RAI14: variants seen among roughly 807,000 people sequenced by gnomAD.
The protein encoded by RAI14 is ankycorbin.
A neutral mutation model predicts 115.4 loss-of-function variants in RAI14; 45 were observed. The observed-to-expected ratio is 0.39, with a 90% CI of 0.31 to 0.50. The LOEUF (loss-of-function observed/expected upper bound fraction) is 0.50. RAI14 is among the 20% of genes least tolerant of loss of function. The probability of loss-of-function intolerance (pLI) is 0.85; values close to 1 mark genes in which losing one functional copy is unlikely to be tolerated. For synonymous variants in RAI14, 371 were observed against 415.4 expected (o/e 0.89, Z 1.30); for missense variants, 939 against 1,131.2 (o/e 0.83, Z 2.44).
At chr5:34,825,227 T>C (rs1003137147) in intron 15 of RAI14, among the ~76,000 whole-genome samples, 2 of 151,700 alleles carry the variant, frequency 1.3e-5, no homozygotes, top group Admixed American at 6.6e-5. Flanking sequence ...ATGAGCCATA[T>C]CAACACCACT....
chr5:34,681,271 C>A (rs904981789), intron 1 of RAI14, among the ~76,000 whole-genome samples: 1 of 152,168 alleles, frequency 6.6e-6, no homozygotes, highest in Non-Finnish European at 1.5e-5. Context: ...TGAAGAAATA[C>A]TCAAGCACTT....
rs980806048 is a variant in RAI14 at position 34,687,111 on chromosome 5, G to A, written c.36+156G>A. Among the ~76,000 whole-genome samples the A allele has an allele frequency of 2.6e-5, 4 of 152,268 alleles. No individual in the cohort carries two copies. In the East Asian group the frequency reaches 5.8e-4, roughly 22 times the overall value. ...TCAGGGTAGCTTCTGTAGATGGCAT[G>A]CTCTAGGTTCCTTGCTGTTTGTGTG... On this transcript the variant is annotated intron_variant, in intron 2 of 17. Coordinates refer to ENST00000265109, the MANE Select transcript of RAI14 (RefSeq NM_015577.3).
chr5:34,669,104 C>T (rs1743439197), intron 1 of RAI14, among the ~76,000 whole-genome samples: 2 of 152,190 alleles, frequency 1.3e-5, no homozygotes, highest in African/African-American at 4.8e-5. Context: ...ATCCTCCCGC[C>T]TTGGCCTCCC....
At chr5:34,715,474 G>T (rs2149977712) in intron 2 of RAI14, among the ~76,000 whole-genome samples, 1 of 152,188 alleles carries the variant, frequency 6.6e-6, no homozygotes, top group African/African-American at 2.4e-5. Flanking sequence ...TACTAGTCAT[G>T]TGAAACTCCT....
chr5:34,679,369 G>T (rs1456169756), intron 1 of RAI14, among the ~76,000 whole-genome samples: 1 of 152,210 alleles, frequency 6.6e-6, no homozygotes, highest in African/African-American at 2.4e-5. Flanking sequence ...GTTTCACTAA[G>T]TGTTGACTAT....
chr5:34,670,740 A>G (rs1021393256), intron 1 of RAI14, among the ~76,000 whole-genome samples: 4 of 152,124 alleles, frequency 2.6e-5, no homozygotes, highest in Non-Finnish European at 4.4e-5. Flanking sequence ...TTATTATGTC[A>G]TTGTGTAATG....
chr5:34,823,406 T>A lies in RAI14; in HGVS notation c.1564T>A (p.Phe522Ile). 6.2e-7 allele frequency: 1 copy of A among 1,614,102 alleles called. No individual in the cohort carries two copies. ...SPESMDNYSH[F>I]HELRVTEEEI... ...TGAAAGCATGGATAATTATTCACAT[T>A]TCCACGAGCTGAGGGTCACGGAAGA... The change falls in exon 15 of 18, where the codon TTC (phenylalanine) becomes ATC (isoleucine). Residue 522 changes from phenylalanine (F) to isoleucine (I), a missense_variant. Phe to Ile is a conservative substitution (Grantham distance 21, BLOSUM62 0). Coordinates refer to ENST00000265109, the MANE Select transcript of RAI14 (RefSeq NM_015577.3). The surrounding 1 kb of genome is among the most constrained non-coding windows in gnomAD (Gnocchi z 4.5).
chr5:34,808,604 G>A lies in RAI14; in HGVS notation c.400G>A (p.Ala134Thr), dbSNP rs1398774676. 3 of 1,614,202 alleles carry A rather than the reference G, an allele frequency of 1.9e-6. No individual in the cohort carries two copies. The highest frequency in any genetic ancestry group is 1.7e-5 in the Admixed American group (1 of 60,026). The change falls in exon 7 of 18, where the codon GCT (alanine) becomes ACT (threonine). Residue 134 changes from alanine to threonine, a missense_variant. Coordinates refer to ENST00000265109, the MANE Select transcript of RAI14 (RefSeq NM_015577.3). Reference sequence around the variant, plus strand: ...CCCAGCGGCTCAGGGCTGCCTTCAAGCTGTGCAGATTCTCTGCGAACACAA... The same window carrying A: ...CCCAGCGGCTCAGGGCTGCCTTCAAACTGTGCAGATTCTCTGCGAACACAA... ...HYAAAQGCLQ[A>T]VQILCEHKSP...
Position 34,757,560 on chromosome 5 carries a change from G to A in RAI14, c.129G>A (p.Gly43=), listed in dbSNP as rs370049571. 5.0e-6 allele frequency: 8 copies of A among 1,613,750 alleles called. No homozygotes were observed. The highest frequency in any genetic ancestry group is 2.2e-5 in the South Asian group (2 of 91,034). ...TGGCCTCACTGCTCGGCAAGAAGGG[G>A]GCCAGTGCCACCAAACACGACAGTG... ...EKVASLLGKK[G]ASATKHDSEG... The change falls in exon 3 of 18, where the codon GGG becomes GGA. Residue 43 remains glycine (G), a synonymous_variant. Coordinates refer to ENST00000265109, the MANE Select transcript of RAI14 (RefSeq NM_015577.3).
At chr5:34,709,449 A>G (rs111892677) in intron 2 of RAI14, among the ~76,000 whole-genome samples, 5 of 152,210 alleles carry the variant, frequency 3.3e-5, no homozygotes, top group African/African-American at 1.2e-4. Flanking sequence ...CTGGTCTCCA[A>G]TTAAAAAAAA....
intron 4 of RAI14, among the ~76,000 whole-genome samples, chr5:34,800,241 A>G (rs1368928117): frequency 6.6e-6 from 1 of 152,204 alleles, no homozygotes; most frequent in Non-Finnish European, 1.5e-5. Context: ...CTGTGGCCAG[A>G]GCAGTTGGGC....
chr5:34,765,892 C>A (rs2150117380), intron 3 of RAI14, among the ~76,000 whole-genome samples: 1 of 152,304 alleles, frequency 6.6e-6, no homozygotes, highest in East Asian at 1.9e-4. Flanking sequence ...CTGTGTGCAC[C>A]CTAAGGACTT....
chr5:34,781,130 C>T (rs983054473), intron 3 of RAI14, among the ~76,000 whole-genome samples: 1 of 149,986 alleles, frequency 6.7e-6, no homozygotes, highest in Non-Finnish European at 1.5e-5. Context: ...ACAAAAAAAA[C>T]CAAGCACCGC....
intron 2 of RAI14, among the ~76,000 whole-genome samples, chr5:34,724,470 G>A (rs11956658): frequency 0.012 from 1,872 of 152,258 alleles, 35 homozygotes; most frequent in African/African-American, 0.043. Context: ...CAAATCATAT[G>A]TGGGCTATCA....
At chr5:34,660,373 A>G (rs545266938) in intron 1 of RAI14, among the ~76,000 whole-genome samples, 6 of 152,252 alleles carry the variant, frequency 3.9e-5, no homozygotes, top group East Asian at 1.9e-4. Context: ...TGGAGGTTGC[A>G]GTGAGCCGAG....
At chr5:34,675,525 G>A (rs538810839) in intron 1 of RAI14, among the ~76,000 whole-genome samples, 166 of 152,314 alleles carry the variant, frequency 1.1e-3, no homozygotes, top group African/African-American at 3.7e-3. Flanking sequence ...GGCACAGGCC[G>A]GAGGAACGTT....
intron 2 of RAI14, among the ~76,000 whole-genome samples, chr5:34,701,453 G>A (rs944683297): frequency 6.6e-6 from 1 of 152,160 alleles, no homozygotes; most frequent in Non-Finnish European, 1.5e-5. Context: ...TCTAAGGACA[G>A]CCACTGTAAG....
intron 3 of RAI14, among the ~76,000 whole-genome samples, chr5:34,763,552 A>G (rs1265446821): frequency 6.6e-6 from 1 of 152,256 alleles, no homozygotes; most frequent in Admixed American, 6.5e-5. Flanking sequence ...AGACTTTTTC[A>G]TAAGTAAATA....
At chr5:34,822,250 G>GTATATATATATATA (rs376790121) in intron 14 of RAI14, among the ~76,000 whole-genome samples, 1,400 of 134,580 alleles carry the variant, frequency 0.01, 27 homozygotes, top group African/African-American at 0.019. Context: ...ATGTGTGTAT[G>GTATATATATATATA]TATATATATA....
Sources: allele counts gnomAD v4.1 joint callset (sites outside exome capture counted in the v4.1 genomes callset), GRCh38; gene constraint gnomAD v4.1.1; non-coding constraint Gnocchi (gnomAD v3.1); transcripts MANE v1.5; gene names NCBI Gene and HGNC (gene_info 2026-07-23, HGNC 2026-07-21).